EYS: variants seen among roughly 807,000 people sequenced by gnomAD.
EYS encodes the protein EGF-like photoreceptor maintenance factor, also known as protein eyes shut homolog.
A neutral mutation model predicts 282.1 loss-of-function variants in EYS; 250 were observed. The ratio of observed to expected loss-of-function variants is 0.89; its 90% CI spans 0.80 to 0.98. EYS has a LOEUF of 0.98. Among genes scored for constraint, EYS ranks in the 50% least tolerant of loss-of-function variants. The pLI is 0.00. For missense variants in EYS, 4,016 were observed against 3,709.0 expected (o/e 1.08, Z -2.15); for synonymous variants, 1,355 against 1,282.9 (o/e 1.06, Z -1.20).
intron 33 of EYS, among the ~76,000 whole-genome samples, chr6:64,027,948 G>A (rs984114587): frequency 6.6e-6 from 1 of 152,178 alleles, no homozygotes; most frequent in Non-Finnish European, 1.5e-5. Context: ...CTCCTGTCCT[G>A]GACGACTGTC....
rs116013983 is a variant in EYS at position 64,634,419 on chromosome 6, A to G, written c.3444-8174T>C. On this transcript the variant is annotated intron_variant, in intron 22 of 42. Coordinates refer to ENST00000503581, the MANE Select transcript of EYS (RefSeq NM_001142800.2). ...AACTACCTCAGAACCACTGATGAAC[A>G]AAGCAATTATTCACTGATTCTTATT... Among the ~76,000 whole-genome samples the G allele has an allele frequency of 6.5e-3, 996 of 152,330 alleles. 8 individuals are homozygous for G. Among genetic ancestry groups the G allele is most frequent in the African/African-American group, 0.023 (940 of 41,568 alleles).
At chr6:64,248,258 A>G (rs1767083733) in intron 30 of EYS, among the ~76,000 whole-genome samples, 1 of 150,476 alleles carries the variant, frequency 6.6e-6, no homozygotes. Context: ...GAATATGGGG[A>G]GGCTTGTCAG....
intron 19 of EYS, among the ~76,000 whole-genome samples, chr6:64,838,978 A>G (rs1765478160): frequency 6.6e-6 from 1 of 152,042 alleles, no homozygotes; most frequent in African/African-American, 2.4e-5. Context: ...CAGTTTAGAA[A>G]AATATGTGAC....
intron 30 of EYS, among the ~76,000 whole-genome samples, chr6:64,245,960 A>G (rs909408519): frequency 6.9e-5 from 9 of 131,378 alleles, no homozygotes; most frequent in African/African-American, 2.5e-4. Context: ...CGGAGCTTGC[A>G]GTGAGTCGAG....
chr6:63,838,473 G>A (rs984338207), intron 36 of EYS, among the ~76,000 whole-genome samples: 1 of 152,056 alleles, frequency 6.6e-6, no homozygotes, highest in Non-Finnish European at 1.5e-5. Context: ...GAGACAGTCG[G>A]CATCTTGAAG....
intron 26 of EYS, among the ~76,000 whole-genome samples, chr6:64,452,398 A>G (rs1388858551): frequency 1.3e-5 from 2 of 152,218 alleles, no homozygotes; most frequent in African/African-American, 4.8e-5. Flanking sequence ...GCTCATGGGT[A>G]GGAAGAATCA....
chr6:64,144,794 G>A (rs1281893294), intron 31 of EYS, among the ~76,000 whole-genome samples: 3 of 152,126 alleles, frequency 2.0e-5, no homozygotes, highest in Non-Finnish European at 4.4e-5. Flanking sequence ...CATGATGTGA[G>A]TAGGTCGCGC....
At chr6:64,087,370 G>A (rs937504527) in intron 31 of EYS, among the ~76,000 whole-genome samples, 15 of 152,084 alleles carry the variant, frequency 9.9e-5, no homozygotes, top group African/African-American at 3.6e-4. Context: ...CAAGTTAGGA[G>A]TTGCACATGT....
In EYS at chr6:64,904,128, A is replaced by G. The variant is rs564421517; in HGVS notation, c.2642-1628T>C. On this transcript the variant is annotated intron_variant, in intron 16 of 42. Coordinates refer to ENST00000503581, the MANE Select transcript of EYS (RefSeq NM_001142800.2). Reference sequence around the variant, plus strand: ...ATTTATTTAAAACATAACAACAATGATAGGTTAACATTTAAAAGATGGAAT... The same window carrying G: ...ATTTATTTAAAACATAACAACAATGGTAGGTTAACATTTAAAAGATGGAAT... Among the ~76,000 whole-genome samples the G allele has an allele frequency of 7.9e-5, 12 of 152,294 alleles. No homozygotes were observed. In the South Asian group the frequency reaches 2.5e-3, roughly 32 times the overall value.
At chr6:64,436,955 AG>A (rs1314901884) in intron 27 of EYS, among the ~76,000 whole-genome samples, 2 of 151,788 alleles carry the variant, frequency 1.3e-5, no homozygotes, top group Admixed American at 6.6e-5. Context: ...TGTATCTAAA[AG>A]TGATCTATAA....
intron 30 of EYS, among the ~76,000 whole-genome samples, chr6:64,235,296 G>GTCCTC (rs1434469516): frequency 7.1e-6 from 1 of 141,704 alleles, no homozygotes; most frequent in Non-Finnish European, 1.5e-5. Flanking sequence ...GTGTCCATGT[G>GTCCTC]TCCTCATTGT....
Position 65,088,765 on chromosome 6 carries a change from C to A in EYS, c.2024-31038G>T, listed in dbSNP as rs192715657. Among the ~76,000 whole-genome samples the A allele has an allele frequency of 1.2e-3, 187 of 152,280 alleles. 1 individual carries two copies. Among genetic ancestry groups the A allele is most frequent in the South Asian group, 1.7e-3 (8 of 4,818 alleles). ...CAGGGTGTGTCAGAGACCTTCATGG[C>A]AGCCCCTCCCATCACAGGTCTGGAG... On this transcript the variant is annotated intron_variant, in intron 12 of 42. Transcript: ENST00000503581.
At chr6:65,427,561 T>A (rs1264365610) in intron 5 of EYS, among the ~76,000 whole-genome samples, 1 of 152,068 alleles carries the variant, frequency 6.6e-6, no homozygotes, top group Non-Finnish European at 1.5e-5. Context: ...TAGAATTATT[T>A]TTTTCATTAC....
At chr6:64,822,547 G>T in intron 20 of EYS, 104 bp downstream of exon 20, 1 of 979,140 alleles carries the variant, frequency 1.0e-6, no homozygotes. Flanking sequence ...TTTTATGAAA[G>T]AGCATAATTA....
intron 19 of EYS, among the ~76,000 whole-genome samples, chr6:64,862,240 A>G (rs758583412): frequency 6.6e-6 from 1 of 152,020 alleles, no homozygotes; most frequent in Admixed American, 6.6e-5. Flanking sequence ...GAGTTTATCT[A>G]TGTTTTTCTG....
At position 64,559,666 on chromosome 6, in the gene EYS, G is replaced by C. The variant is rs1165420200; in HGVS notation, c.5644+30557C>G. Among the ~76,000 whole-genome samples the C allele has an allele frequency of 1.3e-5, 2 of 151,950 alleles. 1 individual carries two copies. The highest frequency in any genetic ancestry group is 1.3e-4 in the Admixed American group (2 of 15,242). On this transcript the variant is annotated intron_variant, in intron 26 of 42. Transcript: ENST00000503581. ...ATTTCAACAGTAATATTGATTCTTT[G>C]TTAAAAATTTAGACACAATTGTATT... is the stretch of plus-strand genomic sequence containing the variant.
intron 2 of EYS, among the ~76,000 whole-genome samples, chr6:65,552,177 G>T (rs965516909): frequency 1.3e-5 from 2 of 152,218 alleles, no homozygotes; most frequent in African/African-American, 4.8e-5. Context: ...AATGGATTCA[G>T]ATTCCAGACT....
chr6:64,452,022 G>C (rs1426905044), intron 26 of EYS, among the ~76,000 whole-genome samples: 2 of 152,158 alleles, frequency 1.3e-5, no homozygotes, highest in Non-Finnish European at 2.9e-5. Context: ...AATCAGGCAG[G>C]AGAAGGAAAT....
In EYS at chr6:65,364,247, GT is replaced by G. The variant is rs33923001; in HGVS notation, c.1300-10631del. Among the ~76,000 whole-genome samples, 600 of 146,404 alleles carry G rather than the reference GT, an allele frequency of 4.1e-3. 8 individuals are homozygous for G. The highest frequency in any genetic ancestry group is 0.014 in the African/African-American group (549 of 40,388). ...GACTAAAAAATAAAATCAACTAAAT[GT>G]TTTTTTTTTCAATTTTTTTTCAATT... On this transcript the variant is annotated intron_variant, in intron 8 of 42. Coordinates refer to ENST00000503581, the MANE Select transcript of EYS (RefSeq NM_001142800.2).
Sources: gnomAD v4.1 joint callset for allele counts (sites outside exome capture counted in the v4.1 genomes callset) on GRCh38, gnomAD v4.1.1 for gene constraint, MANE v1.5 for transcripts, NCBI Gene and HGNC (gene_info 2026-07-23, HGNC 2026-07-21) for gene names.